KIAA1217: variants seen among roughly 807,000 people sequenced by gnomAD.
The protein encoded by KIAA1217 is sickle tail protein homolog.
KIAA1217 carries 88 observed loss-of-function variants against 163.9 expected under a neutral mutation model. The ratio of observed to expected loss-of-function variants is 0.54; its 90% CI spans 0.45 to 0.64. The LOEUF (loss-of-function observed/expected upper bound fraction) is 0.64, where lower values mean the gene tolerates loss of function less well. Ranked by LOEUF, KIAA1217 falls within the 30% of genes least tolerant of loss-of-function variation. The pLI is 0.00. For missense variants in KIAA1217, 2,372 were observed against 2,475.0 expected (o/e 0.96, Z 0.88); for synonymous variants, 903 against 923.1 (o/e 0.98, Z 0.39).
At chr10:24,265,620 T>C (rs2076160141) in intron 2 of KIAA1217, among the ~76,000 whole-genome samples, 1 of 152,136 alleles carries the variant, frequency 6.6e-6, no homozygotes, top group African/African-American at 2.4e-5. Flanking sequence ...TCTTTGTCTC[T>C]CCCATCTTCA....
intron 2 of KIAA1217, among the ~76,000 whole-genome samples, chr10:24,067,227 T>C (rs1430918822): frequency 6.6e-6 from 1 of 152,198 alleles, no homozygotes; most frequent in Non-Finnish European, 1.5e-5. Flanking sequence ...CTCTGATTTT[T>C]AGTGTTTCCC....
At chr10:24,277,979 C>T (rs954612086) in intron 2 of KIAA1217, among the ~76,000 whole-genome samples, 8 of 152,346 alleles carry the variant, frequency 5.3e-5, no homozygotes, top group Non-Finnish European at 7.3e-5. Flanking sequence ...TTTTGGACAG[C>T]AGCTCTATGG....
chr10:24,272,348 T>G (rs2076855143), intron 2 of KIAA1217, among the ~76,000 whole-genome samples: 2 of 152,348 alleles, frequency 1.3e-5, no homozygotes, highest in Admixed American at 6.5e-5. Flanking sequence ...TTTTTCCACT[T>G]AATTTTTTTG....
At chr10:23,908,992 T>A (rs968764812) in intron 1 of KIAA1217, among the ~76,000 whole-genome samples, 11 of 151,898 alleles carry the variant, frequency 7.2e-5, no homozygotes, top group Admixed American at 1.3e-4. Flanking sequence ...TAAAGAAACA[T>A]ATATATAGAA....
intron 2 of KIAA1217, among the ~76,000 whole-genome samples, chr10:24,050,587 T>C (rs1466117789): frequency 6.6e-6 from 1 of 152,180 alleles, no homozygotes; most frequent in African/African-American, 2.4e-5. Flanking sequence ...CTTGTTTGTG[T>C]CAGGTTTGTC....
chr10:23,897,313 C>T (rs1051797915), intron 1 of KIAA1217, among the ~76,000 whole-genome samples: 5 of 152,018 alleles, frequency 3.3e-5, no homozygotes, highest in Non-Finnish European at 2.9e-5. Flanking sequence ...CTTCATCTGC[C>T]GCAGCAACCC....
intron 6 of KIAA1217, among the ~76,000 whole-genome samples, chr10:24,493,089 GC>G (rs1258070389): frequency 6.6e-6 from 1 of 152,136 alleles, no homozygotes; most frequent in Non-Finnish European, 1.5e-5. Flanking sequence ...CAGGTGATCC[GC>G]CCACCTGGGC....
intron 2 of KIAA1217, among the ~76,000 whole-genome samples, chr10:24,267,837 C>G (rs2076381932): frequency 6.6e-6 from 1 of 152,234 alleles, no homozygotes; most frequent in African/African-American, 2.4e-5. Flanking sequence ...ATATTCTACT[C>G]ACACTGCTGC....
intron 6 of KIAA1217, 93 bp from the exon 7 acceptor site, chr10:24,494,407 G>A: frequency 2.0e-6 from 2 of 1,013,696 alleles, no homozygotes; most frequent in Non-Finnish European, 3.0e-6. Context: ...CCTTCTAGGT[G>A]GTACCTTTTA....
At chr10:23,751,465 G>T (rs1322979932) in intron 1 of KIAA1217, among the ~76,000 whole-genome samples, 6 of 152,130 alleles carry the variant, frequency 3.9e-5, no homozygotes, top group African/African-American at 1.4e-4. Flanking sequence ...AAAGTATGCA[G>T]AAAATGAGTC....
chr10:24,315,415 C>T (rs1006358113), intron 2 of KIAA1217, among the ~76,000 whole-genome samples: 12 of 152,196 alleles, frequency 7.9e-5, no homozygotes, highest in Non-Finnish European at 5.9e-5. Flanking sequence ...TTGGCACTGT[C>T]TGCAAGGAAG....
intron 6 of KIAA1217, among the ~76,000 whole-genome samples, chr10:24,475,282 T>C (rs1273794149): frequency 1.3e-5 from 2 of 152,196 alleles, no homozygotes; most frequent in Non-Finnish European, 2.9e-5. Context: ...TTAGAACCAC[T>C]GCTTCTCACT....
intron 2 of KIAA1217, among the ~76,000 whole-genome samples, chr10:24,106,000 G>C (rs899234132): frequency 6.6e-6 from 1 of 152,146 alleles, no homozygotes; most frequent in Non-Finnish European, 1.5e-5. Context: ...TAGGAAGTTG[G>C]AGACCAATTC....
At chr10:24,312,414 G>A (rs2042817738) in intron 2 of KIAA1217, among the ~76,000 whole-genome samples, 1 of 152,126 alleles carries the variant, frequency 6.6e-6, no homozygotes, top group South Asian at 2.1e-4. Flanking sequence ...TCAGGAGTTC[G>A]AGATCAGCCT....
chr10:23,985,966 T>G (rs1040385639), intron 1 of KIAA1217, among the ~76,000 whole-genome samples: 1 of 152,236 alleles, frequency 6.6e-6, no homozygotes, highest in Admixed American at 6.5e-5. Context: ...GTGCGTCCCA[T>G]GGCAGAAAGA....
intron 6 of KIAA1217, among the ~76,000 whole-genome samples, chr10:24,486,625 G>A (rs906625739): frequency 6.6e-6 from 1 of 152,168 alleles, no homozygotes; most frequent in African/African-American, 2.4e-5. Flanking sequence ...ATATGTGTGA[G>A]TGCACCTGCC....
intron 1 of KIAA1217, among the ~76,000 whole-genome samples, chr10:23,811,595 G>A (rs1361498982): frequency 6.6e-6 from 1 of 151,962 alleles, no homozygotes; most frequent in Non-Finnish European, 1.5e-5. Flanking sequence ...TGCAATGTGA[G>A]GATGAGAAAG....
intron 2 of KIAA1217, among the ~76,000 whole-genome samples, chr10:24,152,348 C>T (rs571502061): frequency 3.3e-5 from 5 of 152,238 alleles, no homozygotes; most frequent in South Asian, 2.1e-4. Flanking sequence ...ACAGAATGAG[C>T]GCCTGTTTTA....
chr10:24,234,381 C>T (rs757251885), intron 2 of KIAA1217, among the ~76,000 whole-genome samples: 3 of 151,938 alleles, frequency 2.0e-5, no homozygotes, highest in Admixed American at 6.6e-5. Flanking sequence ...ACATATATAT[C>T]GGCCGGGTGC....
Sources: gnomAD v4.1 joint callset for allele counts (sites outside exome capture counted in the v4.1 genomes callset) on GRCh38, gnomAD v4.1.1 for gene constraint, MANE v1.5 for transcripts, NCBI Gene and HGNC (gene_info 2026-07-23, HGNC 2026-07-21) for gene names.